Variants in ARL15 observed in about 807,000 individuals in gnomAD.
The protein encoded by ARL15 is ARF like GTPase 15.
A neutral mutation model predicts 25.2 loss-of-function variants in ARL15; 19 were observed. That is an observed-to-expected ratio of 0.75 (90% confidence interval 0.53 to 1.10). The LOEUF is 1.10. Among genes scored for constraint, ARL15 ranks in the 50% least tolerant of loss-of-function variants. The pLI is 0.00. For missense variants in ARL15, 220 were observed against 246.0 expected, an observed-to-expected ratio of 0.89 and a Z score of 0.71; for synonymous variants, 94 against 86.8, an observed-to-expected ratio of 1.08 and a Z score of -0.46.
At chr5:54,080,008 C>T (rs9292036) in intron 4 of ARL15, among the ~76,000 whole-genome samples, 24,158 of 90,670 alleles carry the variant, frequency 0.27, 2,422 homozygotes, top group African/African-American at 0.42. Flanking sequence ...CACACACACA[C>T]ACACACACAG....
intron 4 of ARL15, among the ~76,000 whole-genome samples, chr5:53,965,815 G>A (rs1747540785): frequency 1.3e-5 from 2 of 152,070 alleles, no homozygotes; most frequent in South Asian, 4.1e-4. Context: ...TCTGAGATTG[G>A]AGTAAATGGA....
chr5:54,174,555 T>C (rs1225011815), intron 1 of ARL15, among the ~76,000 whole-genome samples: 1 of 152,006 alleles, frequency 6.6e-6, no homozygotes, highest in African/African-American at 2.4e-5. Flanking sequence ...GCCTGAGGAG[T>C]CCTACTTATT....
intron 4 of ARL15, among the ~76,000 whole-genome samples, chr5:54,081,849 T>G (rs532772964): frequency 1.4e-4 from 22 of 152,166 alleles, no homozygotes; most frequent in Admixed American, 6.5e-4. Context: ...CCCAGCACTT[T>G]GGTAGGTCAA....
At chr5:54,141,176 C>CACAG (rs930620632) in intron 3 of ARL15, among the ~76,000 whole-genome samples, 1 of 152,038 alleles carries the variant, frequency 6.6e-6, no homozygotes, top group Non-Finnish European at 1.5e-5. Flanking sequence ...TGCTGCTGTA[C>CACAG]ACAGACAGAT....
intron 4 of ARL15, among the ~76,000 whole-genome samples, chr5:53,913,163 C>A (rs79744393): frequency 0.055 from 8,367 of 152,224 alleles, 297 homozygotes; most frequent in Non-Finnish European, 0.085. Flanking sequence ...ATTAGCCAGG[C>A]ATGGTGGCAT....
At chr5:54,300,003 A>G (rs1037504394) in intron 1 of ARL15, among the ~76,000 whole-genome samples, 1 of 152,128 alleles carries the variant, frequency 6.6e-6, no homozygotes, top group African/African-American at 2.4e-5. Flanking sequence ...TCTAAAGTCA[A>G]ACTTCTCCCT....
chr5:54,102,923 T>C (rs16882227), intron 4 of ARL15, among the ~76,000 whole-genome samples: 4,243 of 152,296 alleles, frequency 0.028, 196 homozygotes, highest in African/African-American at 0.097. Flanking sequence ...TAAGGCTCCA[T>C]TGGTTTAACT....
chr5:53,927,586 C>A (rs749486107), intron 4 of ARL15, among the ~76,000 whole-genome samples: 69 of 152,174 alleles, frequency 4.5e-4, no homozygotes, highest in Non-Finnish European at 8.7e-4. Context: ...CATATCAACT[C>A]AGTGCAGCCC....
At chr5:54,139,058 G>A (rs1037651208) in intron 3 of ARL15, among the ~76,000 whole-genome samples, 5 of 152,180 alleles carry the variant, frequency 3.3e-5, no homozygotes, top group South Asian at 2.1e-4. Context: ...CTTATACACC[G>A]CTGGTGGGAA....
At chr5:54,052,477 T>C (rs1750731267) in intron 4 of ARL15, among the ~76,000 whole-genome samples, 1 of 152,136 alleles carries the variant, frequency 6.6e-6, no homozygotes, top group Admixed American at 6.5e-5. Flanking sequence ...GTAAGAATTG[T>C]CTCCCACAGG....
chr5:54,235,544 T>C (rs1756779333), intron 1 of ARL15, among the ~76,000 whole-genome samples: 1 of 151,656 alleles, frequency 6.6e-6, no homozygotes, highest in Admixed American at 6.6e-5. Flanking sequence ...CAAGCTGTAG[T>C]ACAGTGGCTC....
chr5:54,245,021 CG>C (rs1376410215), intron 1 of ARL15, among the ~76,000 whole-genome samples: 2 of 152,006 alleles, frequency 1.3e-5, no homozygotes, highest in Admixed American at 6.5e-5. Flanking sequence ...ATCAATTCAG[CG>C]GGAGAGGAAT....
At chr5:54,043,736 A>G (rs1750418470) in intron 4 of ARL15, among the ~76,000 whole-genome samples, 1 of 152,038 alleles carries the variant, frequency 6.6e-6, no homozygotes, top group Non-Finnish European at 1.5e-5. Flanking sequence ...AATTTGCTCT[A>G]TTATTTCTAC....
intron 1 of ARL15, among the ~76,000 whole-genome samples, chr5:54,305,009 AGTT>A (rs1758719543): frequency 6.6e-6 from 1 of 152,140 alleles, no homozygotes; most frequent in Non-Finnish European, 1.5e-5. Context: ...ATTGTTGGTT[AGTT>A]AGCTGGTTTT....
At position 54,163,355 on chromosome 5, in the gene ARL15, GCTTTTTTT is replaced by G. The variant is rs1554044627; in HGVS notation, c.193+8421_193+8428del. Among the ~76,000 whole-genome samples the G allele has an allele frequency of 3.3e-4, 17 of 51,346 alleles. 3 individuals are homozygous for G. The highest frequency in any genetic ancestry group is 4.6e-4 in the Non-Finnish European group (13 of 28,248). The allele number at this position is 51,346 out of a possible 152,430, so 33.7% of individuals were successfully genotyped here. On this transcript the variant is annotated intron_variant, in intron 2 of 4. Coordinates refer to ENST00000504924, the MANE Select transcript of ARL15 (RefSeq NM_019087.3). ...TGTCCATGAGGGCTATTGGTATGAA[GCTTTTTTT>G]TTTTTTTTTTTTTTTTTTTTTTTTT...
chr5:54,291,245 A>G (rs1027643170), intron 1 of ARL15, among the ~76,000 whole-genome samples: 4 of 152,222 alleles, frequency 2.6e-5, no homozygotes, highest in African/African-American at 4.8e-5. Context: ...TGGTCCTCAG[A>G]TGAGAAAAGA....
At chr5:54,106,716 T>C (rs1752599684) in intron 4 of ARL15, among the ~76,000 whole-genome samples, 1 of 152,062 alleles carries the variant, frequency 6.6e-6, no homozygotes, top group Non-Finnish European at 1.5e-5. Flanking sequence ...TGGTTGTTGG[T>C]TGAATACATG....
intron 1 of ARL15, among the ~76,000 whole-genome samples, chr5:54,306,573 T>C (rs925094220): frequency 2.0e-5 from 3 of 152,250 alleles, no homozygotes; most frequent in African/African-American, 7.2e-5. Context: ...CTATTTTAAG[T>C]GGAGATGGGG....
At chr5:54,200,418 T>G (rs2112481160) in intron 1 of ARL15, among the ~76,000 whole-genome samples, 1 of 152,112 alleles carries the variant, frequency 6.6e-6, no homozygotes, top group African/African-American at 2.4e-5. Flanking sequence ...TCGGAGGCAC[T>G]GCATCCAAAT....
Sources: allele counts gnomAD v4.1 joint callset (sites outside exome capture counted in the v4.1 genomes callset), GRCh38; gene constraint gnomAD v4.1.1; transcripts MANE v1.5; gene names NCBI Gene and HGNC (gene_info 2026-07-23, HGNC 2026-07-21).